The following ERBB4 variants were observed in gnomAD, a reference collection of about 807,000 sequenced individuals.
ERBB4 encodes the protein erb-b2 receptor tyrosine kinase 4.
Under a neutral mutation model 158.0 loss-of-function variants are expected in ERBB4, and 42 were observed. That is an observed-to-expected ratio of 0.27 (90% CI 0.21 to 0.34). The LOEUF (loss-of-function observed/expected upper bound fraction) is 0.34. Ranked by LOEUF, ERBB4 falls within the 10% of genes least tolerant of loss-of-function variation. The pLI, the probability that ERBB4 is intolerant of heterozygous loss-of-function variation, is 1.00. For missense variants in ERBB4, 1,333 were observed against 1,624.1 expected (o/e 0.82, Z 3.08); for synonymous variants, 583 against 558.7 (o/e 1.04, Z -0.61).
intron 3 of ERBB4, among the ~76,000 whole-genome samples, chr2:211,923,703 A>G (rs909779129): frequency 6.0e-5 from 9 of 150,754 alleles, no homozygotes; most frequent in Admixed American, 5.3e-4. Context: ...GAGGTTGCTC[A>G]TAATCTAAGT....
chr2:211,828,545 A>T (rs1294952022), intron 3 of ERBB4, among the ~76,000 whole-genome samples: 4 of 150,598 alleles, frequency 2.7e-5, no homozygotes, highest in Non-Finnish European at 5.9e-5. Context: ...CAGACTCAGA[A>T]CACATCTAAG....
At chr2:212,428,899 T>C (rs550225905) in intron 1 of ERBB4, among the ~76,000 whole-genome samples, 2 of 152,212 alleles carry the variant, frequency 1.3e-5, no homozygotes, top group East Asian at 3.9e-4. Flanking sequence ...ACTCAGGAAA[T>C]GAACTGACTT....
intron 2 of ERBB4, among the ~76,000 whole-genome samples, chr2:212,006,344 C>G (rs2030470): frequency 0.9 from 137,344 of 152,134 alleles, 63,454 homozygotes; most frequent in East Asian, 1. Flanking sequence ...TTTACAAAGA[C>G]CTTTTTAATA....
chr2:211,765,224 C>T (rs536957424), intron 4 of ERBB4, among the ~76,000 whole-genome samples: 1 of 152,204 alleles, frequency 6.6e-6, no homozygotes, highest in East Asian at 1.9e-4. Context: ...AAACACCCAC[C>T]TTGAGCTCAG....
chr2:212,161,852 C>T (rs544781879), intron 1 of ERBB4, among the ~76,000 whole-genome samples: 3 of 151,768 alleles, frequency 2.0e-5, no homozygotes, highest in Admixed American at 1.3e-4. Context: ...TGAATTGGGA[C>T]TAATTTTTAT....
chr2:211,888,913 C>T (rs1055254252), intron 3 of ERBB4, among the ~76,000 whole-genome samples: 4 of 151,776 alleles, frequency 2.6e-5, no homozygotes, highest in Admixed American at 1.3e-4. Flanking sequence ...CACGGAGTCT[C>T]ACTGATTGCT....
At chr2:212,249,559 T>C (rs558243849) in intron 1 of ERBB4, among the ~76,000 whole-genome samples, 10 of 151,904 alleles carry the variant, frequency 6.6e-5, no homozygotes, top group South Asian at 4.2e-4. Flanking sequence ...ACTGACGACA[T>C]TGCAAGGGAG....
chr2:212,167,817 T>A lies in ERBB4; in HGVS notation c.83-42914A>T, dbSNP rs530604898. Among the ~76,000 whole-genome samples the A allele has an allele frequency of 2.0e-5, 3 of 152,200 alleles. No individual in the cohort carries two copies. The South Asian group carries it at 6.2e-4, about 32-fold the overall frequency. Reference sequence around the variant, plus strand: ...ACATGAATGAAGCTGGAAGTCATCATCCTCAGCAAACTAATACAGGAACAG... The same window carrying A: ...ACATGAATGAAGCTGGAAGTCATCAACCTCAGCAAACTAATACAGGAACAG... On this transcript the variant is annotated intron_variant, in intron 1 of 27. Transcript: ENST00000342788.
chr2:211,455,172 GAAA>G (rs2064350050), intron 20 of ERBB4, among the ~76,000 whole-genome samples: 1 of 152,190 alleles, frequency 6.6e-6, no homozygotes, highest in Non-Finnish European at 1.5e-5. Flanking sequence ...TATTTCAATA[GAAA>G]ATGCTCTTAC....
intron 2 of ERBB4, among the ~76,000 whole-genome samples, chr2:212,105,575 T>C (rs1326043403): frequency 3.3e-5 from 5 of 152,222 alleles, no homozygotes. Context: ...GGTAGTAATA[T>C]TGAATTCAAT....
intron 1 of ERBB4, among the ~76,000 whole-genome samples, chr2:212,345,754 A>T (rs1178175287): frequency 6.6e-6 from 1 of 152,192 alleles, no homozygotes; most frequent in Non-Finnish European, 1.5e-5. Context: ...TTAACTGGCT[A>T]ATTTAAATCA....
intron 1 of ERBB4, among the ~76,000 whole-genome samples, chr2:212,252,277 A>G (rs532363247): frequency 6.6e-6 from 1 of 152,214 alleles, no homozygotes; most frequent in South Asian, 2.1e-4. Context: ...GGGAACTCCA[A>G]CATTTAGAGG....
chr2:212,153,361 T>C (rs955948804), intron 1 of ERBB4, among the ~76,000 whole-genome samples: 1 of 152,138 alleles, frequency 6.6e-6, no homozygotes, highest in Non-Finnish European at 1.5e-5. Context: ...TAGGACAAAG[T>C]TCTCTACTCC....
chr2:212,150,721 GC>G (rs1432840507), intron 1 of ERBB4, among the ~76,000 whole-genome samples: 2 of 152,092 alleles, frequency 1.3e-5, no homozygotes, highest in African/African-American at 4.8e-5. Flanking sequence ...GTTTGGCTGT[GC>G]AAAATTCCTA....
intron 27 of ERBB4, among the ~76,000 whole-genome samples, 156 bp from the exon 28 acceptor site, chr2:211,384,216 G>T (rs1341185634): frequency 6.6e-6 from 1 of 152,034 alleles, no homozygotes; most frequent in African/African-American, 2.4e-5. Flanking sequence ...GATCACCATT[G>T]TCTTATGAAA....
chr2:212,082,652 G>A (rs2078481593), intron 2 of ERBB4, among the ~76,000 whole-genome samples: 1 of 151,826 alleles, frequency 6.6e-6, no homozygotes, highest in South Asian at 2.1e-4. Context: ...AAAACCTGAA[G>A]GGAAAAATAT....
chr2:211,996,189 T>C (rs1575489983), intron 2 of ERBB4, among the ~76,000 whole-genome samples: 2 of 152,146 alleles, frequency 1.3e-5, no homozygotes, highest in East Asian at 3.8e-4. Flanking sequence ...AGTCTTACCA[T>C]ATAGATTTTT....
chr2:212,349,050 GA>G, intron 1 of ERBB4, among the ~76,000 whole-genome samples: 1 of 152,106 alleles, frequency 6.6e-6, no homozygotes, highest in African/African-American at 2.4e-5. Flanking sequence ...ATTTTATTTC[GA>G]AAAGGATATA....
intron 2 of ERBB4, among the ~76,000 whole-genome samples, chr2:211,989,266 G>A (rs567747602): frequency 8.4e-4 from 127 of 151,842 alleles, no homozygotes; most frequent in Non-Finnish European, 9.0e-4. Context: ...CCTCAATCTT[G>A]CCAAGTATTT....
Sources: allele counts gnomAD v4.1 joint callset (sites outside exome capture counted in the v4.1 genomes callset), GRCh38; gene constraint gnomAD v4.1.1; transcripts MANE v1.5; gene names NCBI Gene and HGNC (gene_info 2026-07-23, HGNC 2026-07-21).